The following SPIDR variants were observed in gnomAD, a reference collection of about 807,000 sequenced individuals.
SPIDR encodes scaffold protein involved in DNA repair.
In SPIDR, 93 loss-of-function variants were observed where a neutral mutation model predicts 104.6. The observed-to-expected ratio is 0.89, with a 90% confidence interval of 0.75 to 1.06. The LOEUF is 1.06. Ranked by LOEUF, SPIDR falls within the 50% of genes least tolerant of loss-of-function variation. The pLI is 0.00. For synonymous variants in SPIDR, 431 were observed against 416.9 expected (o/e 1.03, Z -0.41); for missense variants, 1,154 against 1,111.2 (o/e 1.04, Z -0.55).
At chr8:47,612,872 G>A (rs1175572835) in intron 10 of SPIDR, among the ~76,000 whole-genome samples, 2 of 152,214 alleles carry the variant, frequency 1.3e-5, no homozygotes, top group Non-Finnish European at 2.9e-5. Flanking sequence ...GCTTCCATAA[G>A]AAGAGACTGT....
At chr8:47,330,108 G>C (rs2048398729) in intron 5 of SPIDR, among the ~76,000 whole-genome samples, 1 of 152,030 alleles carries the variant, frequency 6.6e-6, no homozygotes, top group Admixed American at 6.6e-5. Context: ...ATTTTATCAG[G>C]TGGGTCTGCA....
chr8:47,547,043 C>A, intron 8 of SPIDR: 1 of 506,572 alleles, frequency 2.0e-6, no homozygotes, highest in Non-Finnish European at 3.9e-6. Flanking sequence ...CACCTCCAGT[C>A]ACCATCCACA....
intron 10 of SPIDR, among the ~76,000 whole-genome samples, chr8:47,615,085 T>C (rs1051198676): frequency 7.2e-5 from 11 of 151,750 alleles, no homozygotes; most frequent in Non-Finnish European, 1.2e-4. Flanking sequence ...TTTTTTTTTT[T>C]AAAGAGACAG....
chr8:47,504,552 G>A (rs186993665), intron 8 of SPIDR, among the ~76,000 whole-genome samples: 5 of 152,156 alleles, frequency 3.3e-5, no homozygotes, highest in African/African-American at 1.2e-4. Context: ...TTTTTTCAAG[G>A]TTTTTAACTT....
At chr8:47,406,620 T>C (rs2062792769) in intron 6 of SPIDR, among the ~76,000 whole-genome samples, 1 of 152,194 alleles carries the variant, frequency 6.6e-6, no homozygotes, top group African/African-American at 2.4e-5. Context: ...GTATTAATAC[T>C]AGCAATATTA....
intron 8 of SPIDR, among the ~76,000 whole-genome samples, chr8:47,451,646 A>G (rs2071762040): frequency 6.6e-6 from 1 of 152,064 alleles, no homozygotes. Flanking sequence ...GAGGCAGAAC[A>G]CAGGCTCATT....
intron 11 of SPIDR, among the ~76,000 whole-genome samples, chr8:47,675,769 C>T (rs1479582481): frequency 6.6e-6 from 1 of 152,204 alleles, no homozygotes; most frequent in African/African-American, 2.4e-5. Flanking sequence ...GCTGAGATTG[C>T]ACCACTGCAC....
chr8:47,533,588 A>T (rs1379161736), intron 8 of SPIDR, among the ~76,000 whole-genome samples: 1 of 152,210 alleles, frequency 6.6e-6, no homozygotes, highest in South Asian at 2.1e-4. Flanking sequence ...AAACCCATTA[A>T]AAAGTGAGTA....
intron 14 of SPIDR, among the ~76,000 whole-genome samples, chr8:47,702,872 C>T (rs975788811): frequency 2.0e-4 from 30 of 152,192 alleles, no homozygotes; most frequent in Admixed American, 5.9e-4. Context: ...GTCGGTGGAT[C>T]ACCAGCTACC....
chr8:47,353,965 G>T (rs573081296), intron 5 of SPIDR, among the ~76,000 whole-genome samples: 66 of 151,872 alleles, frequency 4.3e-4, no homozygotes, highest in Non-Finnish European at 7.9e-4. Flanking sequence ...GGGTTATGGG[G>T]TTTTTTTGCT....
At chr8:47,278,910 G>T (rs919352987) in intron 1 of SPIDR, among the ~76,000 whole-genome samples, 1 of 151,698 alleles carries the variant, frequency 6.6e-6, no homozygotes, top group Non-Finnish European at 1.5e-5. Context: ...TTTTAAGGAC[G>T]TGGCCTCTCA....
chr8:47,319,682 C>G (rs1032367274), intron 5 of SPIDR, among the ~76,000 whole-genome samples: 1 of 152,030 alleles, frequency 6.6e-6, no homozygotes, highest in African/African-American at 2.4e-5. Flanking sequence ...CAAAATTGAC[C>G]ACATAGTTGG....
In SPIDR at chr8:47,700,478, GCCCT is replaced by G. The variant is rs765476313; in HGVS notation, c.1762_1765del (p.Pro588ValfsTer4). 65 of 1,614,212 alleles carry G rather than the reference GCCCT, an allele frequency of 4.0e-5. No individual in the cohort carries two copies. Among genetic ancestry groups the G allele is most frequent in the Non-Finnish European group, 5.5e-5 (65 of 1,180,032 alleles). ...CTCTGAAAACACCTGGCCGCGACCA[GCCCT>G]GTGAAGAGGTAAGCCCGGCACTGGA... is the stretch of plus-strand genomic sequence containing the variant. On this transcript the variant is annotated frameshift_variant, in exon 12 of 20. Coordinates refer to ENST00000297423, the MANE Select transcript of SPIDR (RefSeq NM_001080394.4). LOFTEE classifies it high-confidence loss of function.
In SPIDR at chr8:47,446,582, CT is replaced by C. The variant is rs574653139; in HGVS notation, c.1097+6058del. Reference sequence around the variant, plus strand: ...TTTTAACTGCCATAGATAATGATTCCTTTTTTTTTTTTTTTTTTAAATGAGA... The same window carrying C: ...TTTTAACTGCCATAGATAATGATTCCTTTTTTTTTTTTTTTTTAAATGAGA... On this transcript the variant is annotated intron_variant, in intron 8 of 19. Coordinates refer to ENST00000297423, the MANE Select transcript of SPIDR (RefSeq NM_001080394.4). Among the ~76,000 whole-genome samples the C allele has an allele frequency of 8.3e-3, 1,140 of 136,756 alleles. 3 individuals carry two copies. The highest frequency in any genetic ancestry group is 0.012 in the Middle Eastern group (3 of 254). 89.7% of individuals were successfully genotyped at this position (136,756 alleles called of 152,430 possible).
intron 16 of SPIDR, among the ~76,000 whole-genome samples, chr8:47,723,718 C>T (rs2083777003): frequency 1.3e-5 from 2 of 152,188 alleles, no homozygotes; most frequent in Admixed American, 1.3e-4. Flanking sequence ...CGTGAGCCAC[C>T]ACGCCCAGCC....
Position 47,396,503 on chromosome 8 carries a change from A to G in SPIDR, c.653A>G (p.Gln218Arg). ...YHVQFASDAR[Q>R]IMERLIDPRT... ...GTGCAGTTTGCATCGGATGCAAGACAGATTATGGAGAGACTGATAGATCCA... is the reference window on the plus strand; with the variant it reads ...GTGCAGTTTGCATCGGATGCAAGACGGATTATGGAGAGACTGATAGATCCA... Residue 218 changes from glutamine (Q) to arginine (R), a missense_variant, in exon 6 of 20, where the codon CAG becomes CGG. By Grantham distance (43) the Gln-to-Arg change is conservative (BLOSUM62 1). Transcript: ENST00000297423. The G allele has an allele frequency of 3.7e-6, 6 of 1,614,168 alleles. No individual in the cohort carries two copies. Among genetic ancestry groups the G allele is most frequent in the Non-Finnish European group, 5.1e-6 (6 of 1,179,992 alleles).
chr8:47,305,253 G>A (rs939653229), intron 5 of SPIDR, among the ~76,000 whole-genome samples: 1 of 152,194 alleles, frequency 6.6e-6, no homozygotes, highest in African/African-American at 2.4e-5. Context: ...TATACTTTAT[G>A]TAGTGACTCC....
Position 47,364,699 on chromosome 8 carries a change from G to A in SPIDR, c.526-31677G>A, listed in dbSNP as rs114345452. Among the ~76,000 whole-genome samples the A allele has an allele frequency of 4.7e-3, 712 of 152,214 alleles. 5 individuals carry two copies. The highest frequency in any genetic ancestry group is 0.016 in the African/African-American group (676 of 41,518). ...GGTTTTTAAATACTATGTTTTTCAG[G>A]AAGTCTTTTCGGTGGCATTTTCTGA... is the stretch of plus-strand genomic sequence containing the variant. On this transcript the variant is annotated intron_variant, in intron 5 of 19. Coordinates refer to ENST00000297423, the MANE Select transcript of SPIDR (RefSeq NM_001080394.4).
At chr8:47,262,948 A>G (rs564277978) in intron 1 of SPIDR, among the ~76,000 whole-genome samples, 18 of 152,206 alleles carry the variant, frequency 1.2e-4, no homozygotes, top group African/African-American at 4.3e-4. Context: ...TTAGTCCTCT[A>G]TCTAAATCTC....
Sources: gnomAD v4.1 joint callset for allele counts (sites outside exome capture counted in the v4.1 genomes callset) on GRCh38, gnomAD v4.1.1 for gene constraint, MANE v1.5 for transcripts, NCBI Gene and HGNC (gene_info 2026-07-23, HGNC 2026-07-21) for gene names.